PPP2R1B: variants seen among roughly 807,000 people sequenced by gnomAD.
PPP2R1B encodes the protein serine/threonine-protein phosphatase 2A 65 kDa regulatory subunit A beta isoform.
Under a neutral mutation model 72.7 loss-of-function variants are expected in PPP2R1B, and 58 were observed. That is an observed-to-expected ratio of 0.80 (90% CI 0.65 to 0.99). PPP2R1B has a LOEUF of 0.99. Ranked by LOEUF, PPP2R1B falls within the 50% of genes least tolerant of loss-of-function variation. The probability of loss-of-function intolerance (pLI) is 0.00; values close to 1 mark genes in which losing one functional copy is unlikely to be tolerated. For missense variants in PPP2R1B, 695 were observed against 733.6 expected, an observed-to-expected ratio of 0.95 and a Z score of 0.61; for synonymous variants, 256 against 264.6, an observed-to-expected ratio of 0.97 and a Z score of 0.32.
chr11:111,754,195 G>A (rs546826636), intron 8 of PPP2R1B, among the ~76,000 whole-genome samples: 3 of 152,262 alleles, frequency 2.0e-5, no homozygotes, highest in African/African-American at 7.2e-5. Context: ...TGGATTACAG[G>A]CATGTACCAC....
Position 111,752,346 on chromosome 11 carries a change from A to G in PPP2R1B, c.1165-14T>C, listed in dbSNP as rs781848723. ...AACGTCAGGACACTGCAAGTACACA[A>G]GCCCCAAAAGACCACATTTAAAAAT... On this transcript the variant is annotated splice_polypyrimidine_tract_variant and intron_variant, in intron 9 of 14. Transcript: ENST00000527614. 5.7e-6 allele frequency: 9 copies of G among 1,587,812 alleles called. No individual in the cohort carries two copies. The South Asian group carries it at 9.2e-5, about 16-fold the overall frequency.
At chr11:111,737,638 C>A, downstream of PPP2R1B, 1 of 1,601,916 alleles carries the variant, frequency 6.2e-7, no homozygotes, top group Non-Finnish European at 8.5e-7. Context: ...CCCACCTGTG[C>A]TTCCCAGCCA....
chr11:111,720,891 T>G, the PPP2R1B span: 404 of 1,613,058 alleles, frequency 2.5e-4, no homozygotes, highest in African/African-American at 4.5e-3. Flanking sequence ...CTTGGTGCTT[T>G]CTTTCAGGAA....
downstream of PPP2R1B, chr11:111,725,561 A>AGAT (rs1943938911): frequency 6.5e-6 from 1 of 152,708 alleles, no homozygotes. Flanking sequence ...TTAATTCTAA[A>AGAT]GATGATCATT....
In PPP2R1B at chr11:111,743,501, T is replaced by C; in HGVS notation, c.1429A>G (p.Asn477Asp). The stretch of plus-strand genomic sequence containing the variant: ...AACTTCTGAACTAGTTTCATGAGGT[T>C]GTTGGTGGCAGCTTCTCGGATGGCG... ...VYAIREAATN[N>D]LMKLVQKFGT... The change falls in exon 12 of 15, where the codon AAC (asparagine) becomes GAC (aspartate). Residue 477 changes from asparagine (N) to aspartate (D), a missense_variant. Transcript: ENST00000527614. The C allele has an allele frequency of 6.2e-7, 1 of 1,613,940 alleles. No individual in the cohort carries two copies. Among genetic ancestry groups the C allele is most frequent in the Non-Finnish European group, 8.5e-7 (1 of 1,179,970 alleles).
downstream of PPP2R1B, chr11:111,723,796 G>A (rs75997369): frequency 5.0e-4 from 814 of 1,613,614 alleles, 7 homozygotes; most frequent in African/African-American, 9.4e-3. Context: ...CTCTGCCCAC[G>A]CAGCTACAGC....
At chr11:111,761,576 A>C (rs1163753442) in intron 3 of PPP2R1B, among the ~76,000 whole-genome samples, 2 of 152,228 alleles carry the variant, frequency 1.3e-5, no homozygotes, top group African/African-American at 4.8e-5. Flanking sequence ...TAAAATGCTG[A>C]ATGCAAAATT....
chr11:111,706,162 T>C, the PPP2R1B span, among the ~76,000 whole-genome samples: 1 of 152,244 alleles, frequency 6.6e-6, no homozygotes, highest in African/African-American at 2.4e-5. Context: ...ACAATTAAAT[T>C]AGTTAATATC....
At chr11:111,766,085 C>T in intron 1 of PPP2R1B, 163 bp downstream of exon 1, 1 of 690,572 alleles carries the variant, frequency 1.4e-6, no homozygotes, top group Non-Finnish European at 2.5e-6. Context: ...CGGGGCGTGT[C>T]ACCACAGCCC....
the PPP2R1B span, among the ~76,000 whole-genome samples, chr11:111,716,030 GTCC>G: frequency 2.0e-5 from 3 of 152,036 alleles, no homozygotes; most frequent in African/African-American, 7.2e-5. Context: ...TCGAACTCCT[GTCC>G]TCAGGTGATC....
At chr11:111,717,338 A>AAAAAAAAAAT in the PPP2R1B span, among the ~76,000 whole-genome samples, 1 of 149,062 alleles carries the variant, frequency 6.7e-6, no homozygotes, top group Non-Finnish European at 1.5e-5. Context: ...AAAAAAAAAA[A>AAAAAAAAAAT]AAAAAGCTCA....
chr11:111,698,911 C>A, the PPP2R1B span, among the ~76,000 whole-genome samples: 4 of 152,256 alleles, frequency 2.6e-5, no homozygotes, highest in Admixed American at 2.6e-4. Context: ...TGAACATAGT[C>A]CTTGACTCAT....
At chr11:111,725,133 T>A (rs535729901), downstream of PPP2R1B, 1 of 152,798 alleles carries the variant, frequency 6.5e-6, no homozygotes, top group Non-Finnish European at 1.5e-5. Flanking sequence ...ACATGATAAA[T>A]GAACTTTTCT....
At chr11:111,737,355 C>A (rs575605735), downstream of PPP2R1B, 1 of 1,577,676 alleles carries the variant, frequency 6.3e-7, no homozygotes, top group Non-Finnish European at 8.6e-7. Context: ...GCTGCTTCTC[C>A]GCCTACCCTG....
rs997026408 is a variant in PPP2R1B, at chr11:111,752,311, T to C, written c.1186A>G (p.Ile396Val). 6.2e-7 allele frequency: 1 copy of C among 1,612,470 alleles called. No individual in the cohort carries two copies. The highest frequency in any genetic ancestry group is 8.5e-7 in the Non-Finnish European group (1 of 1,179,310). The change falls in exon 10 of 15, where the codon ATC becomes GTC. Residue 396 changes from isoleucine to valine, a missense_variant. Physicochemically the swap from Ile to Val is conservative, Grantham distance 29 (BLOSUM62 3). Coordinates refer to ENST00000527614, the MANE Select transcript of PPP2R1B (RefSeq NM_002716.5). ...TTTACACAATCCAAATTGGAGATGA[T>C]ATTCAAACGAACGTCAGGACACTGC... ...KDECPDVRLN[I>V]ISNLDCVNEV...
At chr11:111,720,918 A>G in the PPP2R1B span, 1,150 of 1,613,766 alleles carry the variant, frequency 7.1e-4, 5 homozygotes, top group African/African-American at 0.011. Context: ...CATTTAGACA[A>G]CATCTTCAGA....
rs1163308037 is a variant in PPP2R1B, at chr11:111,740,128, C to A, written c.*1468G>T. 1.0e-6 allele frequency: 1 copy of A among 985,248 alleles called. No homozygotes were observed. Among genetic ancestry groups the A allele is most frequent in the East Asian group, 1.1e-4 (1 of 8,830 alleles). The allele number at this position is 985,248 out of a possible 1,614,324, so 61.0% of individuals were successfully genotyped here. The stretch of plus-strand genomic sequence containing the variant: ...AAAACCAAAAGGGTAACAAGCAAAC[C>A]TCATAGCAAGATGCACTGAGAGAAA... On this transcript the variant is annotated 3_prime_UTR_variant, in exon 15 of 15. Transcript: ENST00000527614.
chr11:111,759,713 T>C (rs1555050664), intron 5 of PPP2R1B, 91 bp downstream of exon 5: 14 of 1,394,908 alleles, frequency 1.0e-5, no homozygotes, highest in South Asian at 1.6e-5. Flanking sequence ...AAAAGAATCC[T>C]AACAAGAAAA....
chr11:111,765,384 G>GCTGCACGT lies in PPP2R1B; in HGVS notation c.115-1_115insACGTGCAG (p.Leu39ThrfsTer17). 6.2e-7 allele frequency: 1 copy of GCTGCACGT among 1,605,428 alleles called. No individual in the cohort carries two copies. The highest frequency in any genetic ancestry group is 1.7e-5 in the Admixed American group (1 of 58,420). On this transcript the variant is annotated frameshift_variant and splice_region_variant. Transcript: ENST00000527614. LOFTEE classifies it high-confidence loss of function. ...AACTTCTTAATACTGTTGAGTCGGAGCTTCAGAAAAGAAAGTAGAAAGAAG... is the reference window on the plus strand; with the variant it reads ...AACTTCTTAATACTGTTGAGTCGGAGCTGCACGTCTTCAGAAAAGAAAGTAGAAAGAAG...
Sources: allele counts gnomAD v4.1 joint callset (sites outside exome capture counted in the v4.1 genomes callset), GRCh38; gene constraint gnomAD v4.1.1; transcripts MANE v1.5; gene names NCBI Gene and HGNC (gene_info 2026-07-23, HGNC 2026-07-21).